The following UBE2W variants were observed in gnomAD, a reference collection of about 807,000 sequenced individuals.
The protein encoded by UBE2W is ubiquitin-conjugating enzyme E2 W.
A neutral mutation model predicts 27.2 loss-of-function variants in UBE2W; 18 were observed. The observed-to-expected ratio is 0.66, with a 90% CI of 0.46 to 0.98. UBE2W has a LOEUF of 0.98. Among genes scored for constraint, UBE2W ranks in the 50% least tolerant of loss-of-function variants. The pLI, the probability that UBE2W is intolerant of heterozygous loss-of-function variation, is 0.00. For missense variants in UBE2W, 90 were observed against 180.2 expected (o/e 0.50, Z 2.87); for synonymous variants, 53 against 57.2 (o/e 0.93, Z 0.33).
intron 1 of UBE2W, among the ~76,000 whole-genome samples, chr8:73,837,830 T>C (rs1810370998): frequency 6.6e-6 from 1 of 152,234 alleles, no homozygotes; most frequent in Non-Finnish European, 1.5e-5. Flanking sequence ...ATATGCACTT[T>C]ATTCCCAGAA....
chr8:73,805,472 C>CAAAAAAAAACAAAAACAAAAAAAAA, intron 5 of UBE2W, among the ~76,000 whole-genome samples, 179 bp downstream of exon 5: 1 of 43,676 alleles, frequency 2.3e-5, no homozygotes, highest in Non-Finnish European at 5.0e-5. Flanking sequence ...AAAAAAAAAA[C>CAAAAAAAAACAAAAACAAAAAAAAA]AAAAAAAACT....
In UBE2W at chr8:73,791,828, C is replaced by T. The variant is rs1302323673; in HGVS notation, c.*2274G>A. The stretch of plus-strand genomic sequence containing the variant: ...AATTATTTCATTTTCCTCTACTTTC[C>T]TCTGTGTCATTTTAGTTTACTTTAT... On this transcript the variant is annotated 3_prime_UTR_variant, in exon 6 of 6. Coordinates refer to ENST00000602593, the MANE Select transcript of UBE2W (RefSeq NM_018299.6). The T allele has an allele frequency of 4.1e-6, 4 of 984,504 alleles. No individual in the cohort carries two copies. The highest frequency in any genetic ancestry group is 4.8e-6 in the Non-Finnish European group (4 of 829,358). The allele number at this position is 984,504 out of a possible 1,614,324, so 61.0% of individuals were successfully genotyped here.
chr8:73,794,870 G>GAA (rs745852858), intron 5 of UBE2W, among the ~76,000 whole-genome samples: 1 of 103,558 alleles, frequency 9.7e-6, no homozygotes. Flanking sequence ...AAAAAAAAAA[G>GAA]AAAAAAAAAA....
rs1355050010 is a variant in UBE2W, at chr8:73,789,137, A to C, written c.*4965T>G. ...AGTTTCAAGTACATGTCTAGATTCTATGTGCCTCTAATGATAATGATGTAC... is the reference window on the plus strand; with the variant it reads ...AGTTTCAAGTACATGTCTAGATTCTCTGTGCCTCTAATGATAATGATGTAC... On this transcript the variant is annotated 3_prime_UTR_variant, in exon 6 of 6. Coordinates refer to ENST00000602593, the MANE Select transcript of UBE2W (RefSeq NM_018299.6). The C allele has an allele frequency of 1.0e-6, 1 of 984,824 alleles. No individual in the cohort carries two copies. The highest frequency in any genetic ancestry group is 1.2e-6 in the Non-Finnish European group (1 of 829,842). The allele number at this position is 984,824 out of a possible 1,614,324, so 61.0% of individuals were successfully genotyped here.
intron 1 of UBE2W, among the ~76,000 whole-genome samples, chr8:73,867,849 G>A (rs1431082629): frequency 6.6e-6 from 1 of 151,896 alleles, no homozygotes; most frequent in East Asian, 1.9e-4. Flanking sequence ...ACAATGAGAT[G>A]CCACTTCACA....
At chr8:73,863,593 A>G (rs12114120) in intron 1 of UBE2W, among the ~76,000 whole-genome samples, 4,817 of 48,690 alleles carry the variant, frequency 0.099, 227 homozygotes, top group African/African-American at 0.19. Flanking sequence ...AAAAAAAAGA[A>G]AAAAAAATAC....
At chr8:73,865,738 G>A (rs998290620) in intron 1 of UBE2W, among the ~76,000 whole-genome samples, 1 of 151,968 alleles carries the variant, frequency 6.6e-6, no homozygotes, top group African/African-American at 2.4e-5. Context: ...CCTATTACTC[G>A]ATTTCCTTAA....
chr8:73,836,329 G>T (rs1344885692), intron 1 of UBE2W, among the ~76,000 whole-genome samples: 2 of 152,190 alleles, frequency 1.3e-5, no homozygotes, highest in South Asian at 4.1e-4. Flanking sequence ...TAGTGAGAGA[G>T]AAGGGCCAGC....
intron 1 of UBE2W, among the ~76,000 whole-genome samples, chr8:73,853,677 T>C (rs1811169559): frequency 6.6e-6 from 1 of 152,180 alleles, no homozygotes; most frequent in African/African-American, 2.4e-5. Flanking sequence ...ATACCTCAGA[T>C]TGTTATTGAA....
chr8:73,787,062 CT>C lies in UBE2W; in HGVS notation c.*7039del, dbSNP rs1395884100. 2.0e-6 allele frequency: 2 copies of C among 985,310 alleles called. No homozygotes were observed. The highest frequency in any genetic ancestry group is 2.4e-6 in the Non-Finnish European group (2 of 829,934). 61.0% of individuals were successfully genotyped at this position (985,310 alleles called of 1,614,324 possible). A position where few individuals can be genotyped will look rare whatever the true frequency, so the allele number is the denominator to read the frequency against. On this transcript the variant is annotated 3_prime_UTR_variant, in exon 6 of 6. Coordinates refer to ENST00000602593, the MANE Select transcript of UBE2W (RefSeq NM_018299.6). The stretch of plus-strand genomic sequence containing the variant: ...TTCCTACCTTAGTTGATAAACTTTC[CT>C]TATTATTTCCATAATCCACTTAACT...
intron 1 of UBE2W, among the ~76,000 whole-genome samples, chr8:73,843,013 C>T (rs1037721227): frequency 6.6e-6 from 1 of 152,186 alleles, no homozygotes; most frequent in Non-Finnish European, 1.5e-5. Flanking sequence ...GAAGTACTGA[C>T]TCATTTTACA....
chr8:73,867,491 C>A (rs1002142985), intron 1 of UBE2W, among the ~76,000 whole-genome samples: 2 of 151,310 alleles, frequency 1.3e-5, no homozygotes. Context: ...GCCGAGATCA[C>A]GCCACTGCAC....
chr8:73,804,521 C>A (rs74511932), intron 5 of UBE2W, among the ~76,000 whole-genome samples: 1 of 151,374 alleles, frequency 6.6e-6, no homozygotes, highest in African/African-American at 2.4e-5. Flanking sequence ...TTAGAGAGTA[C>A]TTTATTAATA....
chr8:73,855,398 T>C (rs200278248), intron 1 of UBE2W, among the ~76,000 whole-genome samples: 1 of 136,370 alleles, frequency 7.3e-6, no homozygotes, highest in Non-Finnish European at 1.6e-5. Context: ...TACTTTCTTT[T>C]TTTTTTTTTT....
At chr8:73,878,768 C>A in intron 1 of UBE2W, 40 bp downstream of exon 1, 2 of 1,515,202 alleles carry the variant, frequency 1.3e-6, no homozygotes, top group South Asian at 1.2e-5. Flanking sequence ...ACTCTCTCGG[C>A]GGCTCCCTGG....
At position 73,793,125 on chromosome 8, in the gene UBE2W, G is replaced by A; in HGVS notation, c.*977C>T. 1.0e-6 allele frequency: 1 copy of A among 985,732 alleles called. No individual in the cohort carries two copies. Among genetic ancestry groups the A allele is most frequent in the African/African-American group, 1.7e-5 (1 of 57,326 alleles). The allele number at this position is 985,732 out of a possible 1,614,324, so 61.1% of individuals were successfully genotyped here. A position where few individuals can be genotyped will look rare whatever the true frequency, so the allele number is the denominator to read the frequency against. On this transcript the variant is annotated 3_prime_UTR_variant, in exon 6 of 6. Coordinates refer to ENST00000602593, the MANE Select transcript of UBE2W (RefSeq NM_018299.6). Reference sequence around the variant, plus strand: ...GACTTATAACAAAAGAAACAAGATTGCAAACAAAAATGTTTACGGGGTTTC... The same window carrying A: ...GACTTATAACAAAAGAAACAAGATTACAAACAAAAATGTTTACGGGGTTTC...
chr8:73,872,347 G>A (rs16938737), intron 1 of UBE2W, among the ~76,000 whole-genome samples: 17,512 of 152,042 alleles, frequency 0.12, 3,236 homozygotes, highest in African/African-American at 0.39. Context: ...CTATTAAGCA[G>A]TTCTACAATA....
intron 3 of UBE2W, among the ~76,000 whole-genome samples, chr8:73,823,070 G>A (rs1809691465): frequency 6.6e-6 from 1 of 152,180 alleles, no homozygotes; most frequent in African/African-American, 2.4e-5. Flanking sequence ...TCCCAGAGCT[G>A]TAGATCTGGG....
At chr8:73,848,706 A>G (rs1810921406) in intron 1 of UBE2W, among the ~76,000 whole-genome samples, 5 of 152,150 alleles carry the variant, frequency 3.3e-5, no homozygotes, top group Admixed American at 2.6e-4. Context: ...GAAAAACAAA[A>G]AAGAAATCAG....
Sources: gnomAD v4.1 joint callset for allele counts (sites outside exome capture counted in the v4.1 genomes callset) on GRCh38, gnomAD v4.1.1 for gene constraint, MANE v1.5 for transcripts, NCBI Gene and HGNC (gene_info 2026-07-23, HGNC 2026-07-21) for gene names.